Variants in ARHGAP15 observed in about 807,000 individuals in gnomAD.
ARHGAP15 encodes the protein Rho GTPase activating protein 15.
Under a neutral mutation model 63.7 loss-of-function variants are expected in ARHGAP15, and 51 were observed. That is an observed-to-expected ratio of 0.80 (90% CI 0.64 to 1.01). The LOEUF is 1.01. Ranked by LOEUF, ARHGAP15 falls within the 50% of genes least tolerant of loss-of-function variation. The probability of loss-of-function intolerance (pLI) is 0.00; values close to 1 mark genes in which losing one functional copy is unlikely to be tolerated. For synonymous variants in ARHGAP15, 191 were observed against 193.8 expected, an observed-to-expected ratio of 0.99 and a Z score of 0.12; for missense variants, 560 against 564.6, an observed-to-expected ratio of 0.99 and a Z score of 0.08.
intron 11 of ARHGAP15, among the ~76,000 whole-genome samples, chr2:143,622,454 C>A (rs1698678192): frequency 6.6e-6 from 1 of 152,138 alleles, no homozygotes; most frequent in Non-Finnish European, 1.5e-5. Context: ...TCAGGTCTCC[C>A]TTTTTGATGC....
intron 11 of ARHGAP15, among the ~76,000 whole-genome samples, chr2:143,605,151 A>G (rs1697938542): frequency 6.6e-6 from 1 of 152,074 alleles, no homozygotes; most frequent in East Asian, 1.9e-4. Flanking sequence ...TGGCCTCCCA[A>G]AGTGCTGGGA....
intron 9 of ARHGAP15, among the ~76,000 whole-genome samples, chr2:143,509,415 A>G (rs1693478907): frequency 6.6e-6 from 1 of 152,178 alleles, no homozygotes; most frequent in African/African-American, 2.4e-5. Context: ...GAATCGGCCC[A>G]ATTTTTGATA....
At chr2:143,399,405 A>C (rs1187116614) in intron 6 of ARHGAP15, among the ~76,000 whole-genome samples, 1 of 152,002 alleles carries the variant, frequency 6.6e-6, no homozygotes, top group Non-Finnish European at 1.5e-5. Flanking sequence ...GCTTCTATCT[A>C]AAAAAGCTGG....
At chr2:143,676,604 G>C (rs1371885417) in intron 12 of ARHGAP15, 1 of 152,196 alleles carries the variant, frequency 6.6e-6, no homozygotes, top group Non-Finnish European at 1.5e-5. Context: ...AGAGACAAGA[G>C]AATGACCCAT....
At chr2:143,222,919 C>G (rs906155153) in intron 4 of ARHGAP15, among the ~76,000 whole-genome samples, 2 of 152,072 alleles carry the variant, frequency 1.3e-5, no homozygotes, top group African/African-American at 2.4e-5. Context: ...CCCCTTTTCC[C>G]CTTAGATGTA....
chr2:143,179,964 C>A (rs1238410186), intron 2 of ARHGAP15, among the ~76,000 whole-genome samples: 4 of 151,850 alleles, frequency 2.6e-5, no homozygotes, highest in African/African-American at 9.7e-5. Flanking sequence ...TCTGAGCCTT[C>A]AAAGAGTCAT....
intron 5 of ARHGAP15, chr2:143,247,191 T>C (rs36090501): frequency 0.17 from 25,861 of 152,278 alleles, 2,369 homozygotes; most frequent in Middle Eastern, 0.25. Flanking sequence ...GAATGAGGCT[T>C]TGAGTTTTGG....
intron 12 of ARHGAP15, among the ~76,000 whole-genome samples, chr2:143,661,306 C>G (rs1681758549): frequency 6.6e-6 from 1 of 152,152 alleles, no homozygotes; most frequent in South Asian, 2.1e-4. Flanking sequence ...ATAGGGCCAT[C>G]ATCATTGAAG....
At chr2:143,767,132 A>G (rs2072948722) in intron 13 of ARHGAP15, among the ~76,000 whole-genome samples, 1 of 152,176 alleles carries the variant, frequency 6.6e-6, no homozygotes, top group African/African-American at 2.4e-5. Flanking sequence ...TTATTTCCTT[A>G]TCACTAAAAC....
At chr2:143,494,734 C>G (rs902320472) in intron 9 of ARHGAP15, among the ~76,000 whole-genome samples, 1 of 152,158 alleles carries the variant, frequency 6.6e-6, no homozygotes, top group South Asian at 2.1e-4. Context: ...GACTAGAGCT[C>G]TGAAAACATG....
chr2:143,138,517 G>C (rs768210370), intron 1 of ARHGAP15, among the ~76,000 whole-genome samples: 3 of 152,140 alleles, frequency 2.0e-5, no homozygotes, highest in African/African-American at 4.8e-5. Flanking sequence ...TAGGAAACCT[G>C]TTGTTTCTTC....
At chr2:143,669,574 C>G (rs889478434) in intron 12 of ARHGAP15, among the ~76,000 whole-genome samples, 1 of 152,166 alleles carries the variant, frequency 6.6e-6, no homozygotes, top group Non-Finnish European at 1.5e-5. Flanking sequence ...GTTTGTTGAA[C>G]TACATTTCCT....
intron 6 of ARHGAP15, among the ~76,000 whole-genome samples, chr2:143,402,505 A>T (rs983384286): frequency 6.9e-6 from 1 of 145,274 alleles, no homozygotes; most frequent in Non-Finnish European, 1.5e-5. Context: ...GGGAACTTGA[A>T]AACTCTGATG....
intron 9 of ARHGAP15, among the ~76,000 whole-genome samples, chr2:143,515,748 GA>G (rs2104972675): frequency 6.6e-6 from 1 of 152,266 alleles, no homozygotes; most frequent in African/African-American, 2.4e-5. Context: ...AAACAAGAAA[GA>G]AGGTGGGAGA....
intron 12 of ARHGAP15, among the ~76,000 whole-genome samples, chr2:143,663,511 T>C (rs7369897): frequency 0.74 from 98,301 of 133,238 alleles, 37,351 homozygotes; most frequent in East Asian, 0.9. Flanking sequence ...CATCAACTAA[T>C]GAGCAAAATC....
At chr2:143,322,643 G>A (rs1684076280) in intron 6 of ARHGAP15, among the ~76,000 whole-genome samples, 1 of 152,154 alleles carries the variant, frequency 6.6e-6, no homozygotes, top group Admixed American at 6.5e-5. Context: ...TTAAACTGTT[G>A]CCTGATGGGA....
intron 8 of ARHGAP15, among the ~76,000 whole-genome samples, chr2:143,446,818 C>T (rs1263898096): frequency 1.4e-5 from 2 of 144,436 alleles, no homozygotes; most frequent in Non-Finnish European, 3.0e-5. Context: ...GTGATGTTCC[C>T]CTTCCTGTGT....
Position 143,423,483 on chromosome 2 carries a change from C to T in ARHGAP15, c.475-12118C>T, listed in dbSNP as rs907224502. On this transcript the variant is annotated intron_variant, in intron 6 of 13. Coordinates refer to ENST00000295095, the MANE Select transcript of ARHGAP15 (RefSeq NM_018460.4). Reference sequence around the variant, plus strand: ...CCAGATACTTGGCTGAATGCAGGGACATGTGGTTTTGTGGTCAGGGAGCTT... The same window carrying T: ...CCAGATACTTGGCTGAATGCAGGGATATGTGGTTTTGTGGTCAGGGAGCTT... Among the ~76,000 whole-genome samples, 4 of 152,210 alleles carry T rather than the reference C, an allele frequency of 2.6e-5. No homozygotes were observed. The East Asian group carries it at 7.7e-4, about 29-fold the overall frequency.
At chr2:143,413,966 T>TGTGTGTGTGTGTGTGCACGCGCGCGC in intron 6 of ARHGAP15, among the ~76,000 whole-genome samples, 1 of 117,924 alleles carries the variant, frequency 8.5e-6, no homozygotes, top group African/African-American at 3.5e-5. Context: ...TGTGTGTGTG[T>TGTGTGTGTGTGTGTGCACGCGCGCGC]GCGCGCTCTC....
Sources: gnomAD v4.1 joint callset for allele counts (sites outside exome capture counted in the v4.1 genomes callset) on GRCh38, gnomAD v4.1.1 for gene constraint, MANE v1.5 for transcripts, NCBI Gene and HGNC (gene_info 2026-07-23, HGNC 2026-07-21) for gene names.